SNX29: variants seen among roughly 807,000 people sequenced by gnomAD.
SNX29 encodes the protein sorting nexin 29.
SNX29 carries 78 observed loss-of-function variants against 102.1 expected under a neutral mutation model. The observed-to-expected ratio is 0.76, with a 90% CI of 0.64 to 0.92. The LOEUF is 0.92. Among genes scored for constraint, SNX29 ranks in the 40% least tolerant of loss-of-function variants. The probability of loss-of-function intolerance (pLI) is 0.00; values close to 1 mark genes in which losing one functional copy is unlikely to be tolerated. For missense variants in SNX29, 1,280 were observed against 1,061.7 expected (o/e 1.21, Z -2.86); for synonymous variants, 580 against 414.5 (o/e 1.40, Z -4.85).
At chr16:12,568,405 A>C in intron 20 of SNX29, 101 bp from the exon 21 acceptor site, 2 of 1,495,704 alleles carry the variant, frequency 1.3e-6, no homozygotes, top group Middle Eastern at 1.8e-4. Context: ...CACAGTTGCC[A>C]ATCAGATCCC....
At chr16:12,123,143 T>C (rs2054049625) in intron 11 of SNX29, among the ~76,000 whole-genome samples, 1 of 152,194 alleles carries the variant, frequency 6.6e-6, no homozygotes, top group African/African-American at 2.4e-5. Context: ...TAAAAAATTT[T>C]AACTATATGA....
At chr16:12,420,447 T>TG (rs956733438) in intron 18 of SNX29, among the ~76,000 whole-genome samples, 6 of 152,130 alleles carry the variant, frequency 3.9e-5, no homozygotes, top group African/African-American at 1.4e-4. Flanking sequence ...GTGAGGGTGG[T>TG]GGGAAGCCCG....
chr16:12,540,553 A>G (rs905959603), intron 20 of SNX29, among the ~76,000 whole-genome samples: 3 of 152,216 alleles, frequency 2.0e-5, no homozygotes, highest in Non-Finnish European at 4.4e-5. Flanking sequence ...CAGCCACCCT[A>G]TGCCATGGCC....
chr16:12,214,928 G>T lies in SNX29; in HGVS notation c.1678+15245G>T, dbSNP rs561874932. Among the ~76,000 whole-genome samples the T allele has an allele frequency of 8.5e-5, 13 of 152,278 alleles. No homozygotes were observed. The South Asian group carries it at 2.7e-3, about 32-fold the overall frequency. On this transcript the variant is annotated intron_variant, in intron 14 of 20. Coordinates refer to ENST00000566228, the MANE Select transcript of SNX29 (RefSeq NM_032167.5). ...TGACAGATTCAAGAAACATTAGCCA[G>T]GATATAAGGTCATGAGAGTAGGGAC...
intron 13 of SNX29, among the ~76,000 whole-genome samples, chr16:12,137,596 T>C (rs1004950170): frequency 6.6e-6 from 1 of 152,186 alleles, no homozygotes; most frequent in African/African-American, 2.4e-5. Flanking sequence ...GCGACCTTTA[T>C]TGGCTTTCTA....
chr16:12,242,578 T>C (rs1261564194), intron 14 of SNX29, among the ~76,000 whole-genome samples: 1 of 151,500 alleles, frequency 6.6e-6, no homozygotes, highest in Non-Finnish European at 1.5e-5. Context: ...TTTCTTCTTC[T>C]TTTCTTCTTC....
chr16:11,997,102 C>T (rs1017077428), intron 1 of SNX29, among the ~76,000 whole-genome samples: 1 of 152,122 alleles, frequency 6.6e-6, no homozygotes, highest in East Asian at 1.9e-4. Context: ...ACAGTCTAAC[C>T]CCTTTATCAT....
At position 12,061,550 on chromosome 16, in the gene SNX29, C is replaced by G. The variant is rs2050775279; in HGVS notation, c.1147C>G (p.Leu383Val). 2 of 1,607,954 alleles carry G rather than the reference C, an allele frequency of 1.2e-6. No homozygotes were observed. The highest frequency in any genetic ancestry group is 1.7e-6 in the Non-Finnish European group (2 of 1,177,836). The change falls in exon 9 of 21, where the codon CTC (leucine) becomes GTC (valine). Residue 383 changes from leucine to valine, a missense_variant. Physicochemically the swap from Leu to Val is conservative, Grantham distance 32. Coordinates refer to ENST00000566228, the MANE Select transcript of SNX29 (RefSeq NM_032167.5). Reference protein sequence around the residue: ...PEKPLEGNTCLSQMHSWAPLK... With the variant: ...PEKPLEGNTCVSQMHSWAPLK... Reference sequence around the variant, plus strand: ...TAGGCCACTGGAAGGGAACACCTGCCTCTCCCAGATGCACAGCTGGGCTCC... The same window carrying G: ...TAGGCCACTGGAAGGGAACACCTGCGTCTCCCAGATGCACAGCTGGGCTCC...
rs201263403 is a variant in SNX29, at chr16:12,126,626, C to T, written c.1403-7C>T. ...CAATTAATCTTGACTTTGTTTTCTT[C>T]CCTTAGGTGAACTGCGCCAGGCCAC... On this transcript the variant is annotated splice_polypyrimidine_tract_variant and splice_region_variant and intron_variant, in intron 11 of 20. Coordinates refer to ENST00000566228, the MANE Select transcript of SNX29 (RefSeq NM_032167.5). 1.2e-6 allele frequency: 2 copies of T among 1,613,858 alleles called. No individual in the cohort carries two copies. The highest frequency in any genetic ancestry group is 2.2e-5 in the East Asian group (1 of 44,890).
chr16:12,008,660 G>T (rs754846382), intron 3 of SNX29, among the ~76,000 whole-genome samples: 19 of 151,758 alleles, frequency 1.3e-4, no homozygotes, highest in Non-Finnish European at 2.1e-4. Flanking sequence ...AAAAGAGTGT[G>T]CAGATATCAG....
chr16:12,223,178 G>C (rs968509275), intron 14 of SNX29, among the ~76,000 whole-genome samples: 5 of 152,142 alleles, frequency 3.3e-5, no homozygotes, highest in Non-Finnish European at 5.9e-5. Flanking sequence ...GTGATGCTGG[G>C]CAAGTTACAT....
intron 20 of SNX29, among the ~76,000 whole-genome samples, chr16:12,544,039 C>G (rs2077470237): frequency 6.6e-6 from 1 of 152,144 alleles, no homozygotes; most frequent in African/African-American, 2.4e-5. Flanking sequence ...TGACTCATCA[C>G]ATTGCAAAGC....
At chr16:12,052,532 A>G in intron 8 of SNX29, 1 of 336,046 alleles carries the variant, frequency 3.0e-6, no homozygotes, top group Non-Finnish European at 5.7e-6. Flanking sequence ...TTGCACTTTT[A>G]ATGAGGGGGT....
chr16:12,301,077 A>G (rs2080158772), intron 15 of SNX29, among the ~76,000 whole-genome samples: 1 of 152,100 alleles, frequency 6.6e-6, no homozygotes. Flanking sequence ...CAGCTAGCTA[A>G]TCAAGTTAAA....
intron 16 of SNX29, among the ~76,000 whole-genome samples, chr16:12,386,659 C>T (rs2083352102): frequency 6.6e-6 from 1 of 152,162 alleles, no homozygotes; most frequent in South Asian, 2.1e-4. Flanking sequence ...AAACCTGCGA[C>T]TGCAGGGAAT....
chr16:12,572,960 A>AAG lies in SNX29; in HGVS notation c.*4333_*4334dup. 1 of 609,986 alleles carries AAG rather than the reference A, an allele frequency of 1.6e-6. No individual in the cohort carries two copies. Among genetic ancestry groups the AAG allele is most frequent in the Non-Finnish European group, 2.2e-6 (1 of 463,976 alleles). 37.8% of individuals were successfully genotyped at this position (609,986 alleles called of 1,614,324 possible). A position where few individuals can be genotyped will look rare whatever the true frequency, so the allele number is the denominator to read the frequency against. ...AGGCATCTGCTTATGAGCAAGGTCAAAGATTTTTCAAAATATTGTGCATTA... is the reference window on the plus strand; with the variant it reads ...AGGCATCTGCTTATGAGCAAGGTCAAAGAGATTTTTCAAAATATTGTGCATTA... On this transcript the variant is annotated 3_prime_UTR_variant, in exon 21 of 21. Coordinates refer to ENST00000566228, the MANE Select transcript of SNX29 (RefSeq NM_032167.5).
chr16:12,274,337 C>G (rs2079180252), intron 14 of SNX29, among the ~76,000 whole-genome samples: 1 of 152,150 alleles, frequency 6.6e-6, no homozygotes, highest in Non-Finnish European at 1.5e-5. Context: ...GGTAGCCTGT[C>G]TTCTCTGTCC....
intron 17 of SNX29, among the ~76,000 whole-genome samples, chr16:12,401,444 A>G (rs1380064126): frequency 7.1e-6 from 1 of 140,550 alleles, no homozygotes; most frequent in East Asian, 2.1e-4. Flanking sequence ...GGCTCACTGC[A>G]ACCTCTGCCT....
chr16:12,294,668 G>A (rs1215600206), intron 15 of SNX29, among the ~76,000 whole-genome samples: 1 of 152,070 alleles, frequency 6.6e-6, no homozygotes, highest in East Asian at 1.9e-4. Context: ...GTAGGTTCAG[G>A]TCCTTTCAGT....
Sources: gnomAD v4.1 joint callset for allele counts (sites outside exome capture counted in the v4.1 genomes callset) on GRCh38, gnomAD v4.1.1 for gene constraint, MANE v1.5 for transcripts, NCBI Gene and HGNC (gene_info 2026-07-23, HGNC 2026-07-21) for gene names.